ADTRP: variants seen among roughly 807,000 people sequenced by gnomAD.
ADTRP encodes the protein androgen dependent TFPI regulating protein.
In ADTRP, 20 loss-of-function variants were observed where a neutral mutation model predicts 27.0. The observed-to-expected ratio is 0.74, with a 90% confidence interval of 0.52 to 1.08. The LOEUF is 1.08. ADTRP is among the 50% of genes least tolerant of loss of function. The pLI, the probability that ADTRP is intolerant of heterozygous loss-of-function variation, is 0.00. For synonymous variants in ADTRP, 101 were observed against 105.2 expected (o/e 0.96, Z 0.25); for missense variants, 251 against 275.0 (o/e 0.91, Z 0.62).
intron 3 of ADTRP, among the ~76,000 whole-genome samples, chr6:11,758,269 T>G (rs951824790): frequency 6.6e-6 from 1 of 152,192 alleles, no homozygotes; most frequent in Admixed American, 6.5e-5. Flanking sequence ...TGGTGCCCAC[T>G]CTGTGCCCAG....
chr6:11,755,636 C>T (rs2113298176), intron 3 of ADTRP, among the ~76,000 whole-genome samples: 1 of 152,330 alleles, frequency 6.6e-6, no homozygotes, highest in East Asian at 1.9e-4. Flanking sequence ...TTCACTGTGG[C>T]ATTTAAGGCA....
chr6:11,773,468 G>A (rs1489967893), intron 1 of ADTRP, among the ~76,000 whole-genome samples: 3 of 152,188 alleles, frequency 2.0e-5, no homozygotes, highest in Admixed American at 2.0e-4. Context: ...GCTCTGAGCT[G>A]AGCTGCTCGT....
At chr6:11,729,653 T>A (rs916427603) in intron 4 of ADTRP, among the ~76,000 whole-genome samples, 13 of 152,188 alleles carry the variant, frequency 8.5e-5, no homozygotes, top group African/African-American at 3.1e-4. Flanking sequence ...AATTTCTGAA[T>A]GGAAATTCCT....
chr6:11,715,700 C>T (rs1761794799), intron 5 of ADTRP, among the ~76,000 whole-genome samples: 3 of 141,220 alleles, frequency 2.1e-5, no homozygotes, highest in Admixed American at 7.3e-5. Context: ...GGCTGGAATA[C>T]GGTGGCACAA....
chr6:11,757,418 C>T (rs903236665), intron 3 of ADTRP, among the ~76,000 whole-genome samples: 2 of 152,162 alleles, frequency 1.3e-5, no homozygotes, highest in Non-Finnish European at 2.9e-5. Flanking sequence ...CAATATCTGA[C>T]CCCACGTCTG....
intron 3 of ADTRP, among the ~76,000 whole-genome samples, chr6:11,762,551 C>T (rs1763427569): frequency 6.6e-6 from 1 of 152,202 alleles, no homozygotes; most frequent in Non-Finnish European, 1.5e-5. Flanking sequence ...GGTCCTGTCT[C>T]TCAATAGCAG....
At chr6:11,775,777 T>C (rs1763936051) in intron 1 of ADTRP, among the ~76,000 whole-genome samples, 1 of 152,128 alleles carries the variant, frequency 6.6e-6, no homozygotes, top group African/African-American at 2.4e-5. Context: ...GGGGCAATGC[T>C]CACAGTGCCA....
chr6:11,772,124 C>T (rs540600725), intron 1 of ADTRP, among the ~76,000 whole-genome samples: 5 of 152,336 alleles, frequency 3.3e-5, no homozygotes, highest in Admixed American at 2.0e-4. Flanking sequence ...CCAGACGTAA[C>T]GGCATCTACT....
At chr6:11,747,427 T>G (rs1222873587) in intron 3 of ADTRP, among the ~76,000 whole-genome samples, 2 of 152,226 alleles carry the variant, frequency 1.3e-5, no homozygotes, top group African/African-American at 4.8e-5. Context: ...GCACTTTAGC[T>G]TTCAAGCTGA....
intron 5 of ADTRP, among the ~76,000 whole-genome samples, chr6:11,719,965 A>C (rs1011584676): frequency 6.6e-5 from 10 of 152,282 alleles, no homozygotes; most frequent in Admixed American, 5.2e-4. Flanking sequence ...TGAGCCCAGG[A>C]GGAGGCCACT....
intron 3 of ADTRP, among the ~76,000 whole-genome samples, chr6:11,753,767 G>A (rs1363378472): frequency 2.0e-5 from 3 of 152,132 alleles, no homozygotes; most frequent in African/African-American, 7.2e-5. Flanking sequence ...CATGAAATGG[G>A]TAAAAAAGGA....
In ADTRP at chr6:11,768,347, C is replaced by T. The variant is rs1011261003; in HGVS notation, c.190G>A (p.Asp64Asn). ...QTIFYGVTCL[D>N]DVLKRTKGGK... ...CCTTTGGTTCTTTTCAGCACATCAT[C>T]CAGGCAGGTGACCCCGTAGAAAATG... Residue 64 changes from aspartate (D) to asparagine (N), a missense_variant, in exon 2 of 6, where the codon GAT becomes AAT. Physicochemically the swap from Asp to Asn is conservative, Grantham distance 23 (BLOSUM62 1). Coordinates refer to ENST00000414691, the MANE Select transcript of ADTRP (RefSeq NM_032744.4). 1 of 1,614,222 alleles carries T rather than the reference C, an allele frequency of 6.2e-7. No homozygotes were observed. The highest frequency in any genetic ancestry group is 1.6e-4 in the Middle Eastern group (1 of 6,062).
chr6:11,750,754 A>G (rs1208698338), intron 3 of ADTRP, among the ~76,000 whole-genome samples: 1 of 152,210 alleles, frequency 6.6e-6, no homozygotes, highest in Non-Finnish European at 1.5e-5. Flanking sequence ...GCTGATGCCT[A>G]TCCCTTTAAA....
chr6:11,772,168 G>A (rs1763805584), intron 1 of ADTRP, among the ~76,000 whole-genome samples: 2 of 152,186 alleles, frequency 1.3e-5, no homozygotes, highest in Non-Finnish European at 1.5e-5. Context: ...GCTGCTCCCT[G>A]ATTTATCCTT....
In ADTRP at chr6:11,743,930, C is replaced by T. The variant is rs210932; in HGVS notation, c.391-8247G>A. Reference sequence around the variant, plus strand: ...GGATTTCTCACAGCTGTAAATGGCACGCCAAAGCTTGGAAATTGGTGTTGG... The same window carrying T: ...GGATTTCTCACAGCTGTAAATGGCATGCCAAAGCTTGGAAATTGGTGTTGG... On this transcript the variant is annotated intron_variant, in intron 3 of 5. Transcript: ENST00000414691. Among the ~76,000 whole-genome samples the T allele has an allele frequency of 6.5e-3, 982 of 152,236 alleles. 30 individuals carry two copies. The highest frequency in any genetic ancestry group is 0.045 in the Admixed American group (695 of 15,290).
At position 11,766,390 on chromosome 6, in the gene ADTRP, A is replaced by G. The variant is rs1397202464; in HGVS notation, c.289-15T>C. The stretch of plus-strand genomic sequence containing the variant: ...AAAAATACAAACTGGAAAATAAAAC[A>G]CAAAAAATAGCATCATTAGGCTTGT... On this transcript the variant is annotated splice_polypyrimidine_tract_variant and intron_variant, in intron 2 of 5. Transcript: ENST00000414691. 4.4e-6 allele frequency: 7 copies of G among 1,582,376 alleles called. No individual in the cohort carries two copies. Among genetic ancestry groups the G allele is most frequent in the Middle Eastern group, 1.7e-4 (1 of 6,020 alleles).
chr6:11,775,168 G>A (rs1763912702), intron 1 of ADTRP, among the ~76,000 whole-genome samples: 1 of 152,080 alleles, frequency 6.6e-6, no homozygotes, highest in South Asian at 2.1e-4. Context: ...ACTCCTGCTG[G>A]CCTCCACCCC....
chr6:11,741,880 G>C (rs1762730932), intron 3 of ADTRP, among the ~76,000 whole-genome samples: 1 of 151,704 alleles, frequency 6.6e-6, no homozygotes. Context: ...CTACACACCT[G>C]CTGTCAGTGC....
intron 4 of ADTRP, among the ~76,000 whole-genome samples, chr6:11,724,275 C>T (rs1475018593): frequency 6.6e-6 from 1 of 152,124 alleles, no homozygotes; most frequent in Non-Finnish European, 1.5e-5. Context: ...TTTCCCTTAG[C>T]TCTCCAAGTC....
Sources: allele counts gnomAD v4.1 joint callset (sites outside exome capture counted in the v4.1 genomes callset), GRCh38; gene constraint gnomAD v4.1.1; transcripts MANE v1.5; gene names NCBI Gene and HGNC (gene_info 2026-07-23, HGNC 2026-07-21).